C12orf42: variants seen among roughly 807,000 people sequenced by gnomAD.
C12orf42 encodes uncharacterized protein C12orf42.
Under a neutral mutation model 21.6 loss-of-function variants are expected in C12orf42, and 25 were observed. The ratio of observed to expected loss-of-function variants is 1.16; its 90% CI spans 0.84 to 1.62. The LOEUF (loss-of-function observed/expected upper bound fraction) is 1.62, where lower values mean the gene tolerates loss of function less well. C12orf42 is among the 40% of genes most tolerant of loss of function. The pLI, the probability that C12orf42 is intolerant of heterozygous loss-of-function variation, is 0.00. For missense variants in C12orf42, 483 were observed against 459.3 expected, an observed-to-expected ratio of 1.05 and a Z score of -0.47; for synonymous variants, 174 against 175.0, an observed-to-expected ratio of 0.99 and a Z score of 0.05.
chr12:103,340,204 C>A (rs2042049167), intron 4 of C12orf42, among the ~76,000 whole-genome samples: 1 of 152,168 alleles, frequency 6.6e-6, no homozygotes, highest in African/African-American at 2.4e-5. Context: ...AGAGTGAGTT[C>A]TCCAGGAGTC....
chr12:103,533,147 A>C, the C12orf42 span, among the ~76,000 whole-genome samples: 1 of 152,224 alleles, frequency 6.6e-6, no homozygotes, highest in South Asian at 2.1e-4. Flanking sequence ...ACTTTTTGCA[A>C]CAATGGTGGT....
the C12orf42 span, chr12:103,549,683 G>A: frequency 6.6e-6 from 1 of 151,966 alleles, no homozygotes; most frequent in Non-Finnish European, 1.5e-5. Flanking sequence ...TTCTGAACAT[G>A]GTAGATCAAT....
At chr12:103,294,428 G>GAGAGAA (rs754499754) in intron 4 of C12orf42, among the ~76,000 whole-genome samples, 33 of 96,020 alleles carry the variant, frequency 3.4e-4, no homozygotes, top group African/African-American at 1.3e-3. Flanking sequence ...AAAGGAGAGA[G>GAGAGAA]AGAAAGAAAG....
intron 2 of C12orf42, among the ~76,000 whole-genome samples, chr12:103,425,115 G>A (rs1949698364): frequency 6.6e-6 from 1 of 152,222 alleles, no homozygotes; most frequent in Admixed American, 6.5e-5. Flanking sequence ...CAAAGCCACT[G>A]TAGCCAGACT....
the C12orf42 span, among the ~76,000 whole-genome samples, chr12:103,200,187 G>C: frequency 2.0e-5 from 3 of 152,122 alleles, no homozygotes; most frequent in Non-Finnish European, 4.4e-5. Context: ...AACAAAATGG[G>C]TGAACTTAGA....
the C12orf42 span, among the ~76,000 whole-genome samples, chr12:103,066,815 TG>T: frequency 2.0e-5 from 3 of 152,226 alleles, no homozygotes; most frequent in Non-Finnish European, 4.4e-5. Context: ...GTATCCCATG[TG>T]AGTTCTCACC....
rs77794107 is a variant in C12orf42 at position 103,342,908 on chromosome 12, C to T, written c.259+25979G>A. ...CACATGCAAGGGTGCTATTTCAGAA[C>T]CCTTTACCTCCTCACCCTGTGTACA... On this transcript the variant is annotated intron_variant, in intron 4 of 5. Transcript: ENST00000548883. Among the ~76,000 whole-genome samples, 506 of 152,294 alleles carry T rather than the reference C, an allele frequency of 3.3e-3. 3 individuals are homozygous for T. The highest frequency in any genetic ancestry group is 6.8e-3 in the Middle Eastern group (2 of 294).
chr12:103,428,560 T>C (rs1391670778), intron 2 of C12orf42, among the ~76,000 whole-genome samples: 1 of 152,156 alleles, frequency 6.6e-6, no homozygotes, highest in Non-Finnish European at 1.5e-5. Context: ...GCTGGTACCA[T>C]TCCTTCTGAA....
chr12:103,339,933 TAA>T (rs1005940061), intron 4 of C12orf42, among the ~76,000 whole-genome samples: 2 of 152,196 alleles, frequency 1.3e-5, no homozygotes, highest in African/African-American at 4.8e-5. Flanking sequence ...TGAGAAAGAA[TAA>T]AAGACTTCTT....
At chr12:103,189,887 C>G in the C12orf42 span, among the ~76,000 whole-genome samples, 1 of 152,146 alleles carries the variant, frequency 6.6e-6, no homozygotes, top group Non-Finnish European at 1.5e-5. Flanking sequence ...TTTTCTTTAT[C>G]AAGGTCCAGT....
At chr12:103,238,282 T>C (rs983016761) in intron 10 of C12orf42, among the ~76,000 whole-genome samples, 1 of 152,036 alleles carries the variant, frequency 6.6e-6, no homozygotes. Context: ...ACAGTACAGC[T>C]GAATAGTTGC....
intron 4 of C12orf42, among the ~76,000 whole-genome samples, chr12:103,333,845 G>A (rs535328274): frequency 5.0e-4 from 76 of 152,254 alleles, no homozygotes; most frequent in African/African-American, 1.7e-3. Flanking sequence ...CTCTTTGTGG[G>A]GAGTTAGCTT....
chr12:103,225,532 G>C, the C12orf42 span, among the ~76,000 whole-genome samples: 4 of 152,048 alleles, frequency 2.6e-5, no homozygotes, highest in African/African-American at 7.3e-5. Flanking sequence ...GTTAAGGTGG[G>C]GGGATACAAG....
At chr12:103,559,946 A>C in the C12orf42 span, 4 of 152,222 alleles carry the variant, frequency 2.6e-5, no homozygotes, top group Non-Finnish European at 4.4e-5. Flanking sequence ...CTTGTATGAC[A>C]CCACTGCCTC....
chr12:103,164,702 T>C, the C12orf42 span: 1 of 455,364 alleles, frequency 2.2e-6, no homozygotes, highest in South Asian at 1.6e-5. Context: ...TTCAAAGCTC[T>C]TGGAGAGCGG....
chr12:103,294,583 G>GGAAGGAAGGAAGGAAAGAAAGAAAGAAA (rs1300203895), intron 4 of C12orf42, among the ~76,000 whole-genome samples: 5 of 80,348 alleles, frequency 6.2e-5, no homozygotes, highest in East Asian at 3.3e-4. Flanking sequence ...AAGGAAGGAA[G>GGAAGGAAGGAAGGAAAGAAAGAAAGAAA]GAAAGAAAGA....
the C12orf42 span, among the ~76,000 whole-genome samples, chr12:103,202,775 T>C: frequency 6.6e-6 from 1 of 152,178 alleles, no homozygotes; most frequent in African/African-American, 2.4e-5. Context: ...ACTGGTAATA[T>C]GGGACAAATA....
At chr12:103,185,143 A>G in the C12orf42 span, among the ~76,000 whole-genome samples, 17 of 152,204 alleles carry the variant, frequency 1.1e-4, no homozygotes, top group Non-Finnish European at 2.1e-4. Context: ...AAAAAGCAAT[A>G]AAGAGTGCAT....
intron 2 of C12orf42, among the ~76,000 whole-genome samples, chr12:103,421,340 C>T (rs146372725): frequency 6.1e-4 from 93 of 152,150 alleles, no homozygotes; most frequent in Non-Finnish European, 1.1e-3. Context: ...GAGACCAAGG[C>T]GGGAGAATCC....
Sources: gnomAD v4.1 joint callset for allele counts (sites outside exome capture counted in the v4.1 genomes callset) on GRCh38, gnomAD v4.1.1 for gene constraint, MANE v1.5 for transcripts, NCBI Gene and HGNC (gene_info 2026-07-23, HGNC 2026-07-21) for gene names.